The following IL20RB variants were observed in gnomAD, a reference collection of about 807,000 sequenced individuals.
IL20RB encodes the protein interleukin-20 receptor subunit beta.
A neutral mutation model predicts 33.3 loss-of-function variants in IL20RB; 21 were observed. The ratio of observed to expected loss-of-function variants is 0.63; its 90% CI spans 0.45 to 0.91. The LOEUF (loss-of-function observed/expected upper bound fraction) is 0.91. IL20RB is among the 40% of genes least tolerant of loss of function. IL20RB has a pLI of 0.00. For synonymous variants in IL20RB, 147 were observed against 146.8 expected, an observed-to-expected ratio of 1.00 and a Z score of -0.01; for missense variants, 345 against 384.8, an observed-to-expected ratio of 0.90 and a Z score of 0.86.
intron 4 of IL20RB, 62 bp downstream of exon 4, chr3:136,989,627 G>C: frequency 6.3e-7 from 1 of 1,596,014 alleles, no homozygotes; most frequent in East Asian, 2.3e-5. Flanking sequence ...ATTTCTGAGG[G>C]TGAGCAAGGG....
chr3:136,982,192 G>C lies in IL20RB; in HGVS notation c.248G>C (p.Trp83Ser), dbSNP rs1451585241. ...GAGAGCCTGTACACGAGCCACATCT[G>C]GATCCCCAGCAGCTGGTGCTCACTC... ...EYESLYTSHIWIPSSWCSLTE... is the reference protein window; with the variant it reads ...EYESLYTSHISIPSSWCSLTE... The change falls in exon 3 of 7, where the codon TGG becomes TCG. Residue 83 changes from tryptophan (W) to serine (S), a missense_variant. Trp to Ser is a radical substitution (Grantham distance 177). Transcript: ENST00000329582. 4 of 1,598,210 alleles carry C rather than the reference G, an allele frequency of 2.5e-6. No homozygotes were observed. The highest frequency in any genetic ancestry group is 2.6e-6 in the Non-Finnish European group (3 of 1,167,478).
At chr3:136,991,672 G>A (rs1213995447) in intron 4 of IL20RB, among the ~76,000 whole-genome samples, 1 of 152,136 alleles carries the variant, frequency 6.6e-6, no homozygotes, top group South Asian at 2.1e-4. Flanking sequence ...GCAGTGGCAC[G>A]ATCTCGGATC....
intron 3 of IL20RB, among the ~76,000 whole-genome samples, chr3:136,988,242 G>T (rs1484523238): frequency 3.9e-5 from 6 of 152,212 alleles, no homozygotes; most frequent in Admixed American, 3.9e-4. Context: ...TTCTGGTCCT[G>T]CAGTATCTGG....
chr3:136,991,859 C>G (rs1321834949), intron 4 of IL20RB, 79 bp from the exon 5 acceptor site: 29 of 1,506,958 alleles, frequency 1.9e-5, no homozygotes, highest in Non-Finnish European at 2.6e-5. Flanking sequence ...ATCCGCCCGC[C>G]TCAGGCTCCC....
At chr3:137,007,529 G>A (rs964093467) in intron 6 of IL20RB, among the ~76,000 whole-genome samples, 10 of 152,310 alleles carry the variant, frequency 6.6e-5, no homozygotes, top group Middle Eastern at 3.4e-3. Flanking sequence ...CTGCCACCTC[G>A]CAGATTGATC....
chr3:136,983,398 A>T (rs548778184), intron 3 of IL20RB, among the ~76,000 whole-genome samples: 2 of 152,184 alleles, frequency 1.3e-5, no homozygotes, highest in African/African-American at 4.8e-5. Context: ...GACCAGGTCT[A>T]TCTTACAAAG....
chr3:136,995,750 C>T (rs1013619720), intron 6 of IL20RB, among the ~76,000 whole-genome samples, 194 bp downstream of exon 6: 14 of 152,256 alleles, frequency 9.2e-5, no homozygotes, highest in African/African-American at 3.4e-4. Flanking sequence ...TTCTCCAGGG[C>T]GTGGTGACCT....
At chr3:137,007,361 T>A (rs541064611) in intron 6 of IL20RB, among the ~76,000 whole-genome samples, 3,201 of 152,312 alleles carry the variant, frequency 0.021, 123 homozygotes, top group African/African-American at 0.072. Flanking sequence ...AGAAGTTGTC[T>A]GCTGCCTTTT....
intron 1 of IL20RB, among the ~76,000 whole-genome samples, chr3:136,962,763 A>AC (rs1210083996): frequency 1.3e-5 from 2 of 151,526 alleles, no homozygotes; most frequent in African/African-American, 4.8e-5. Flanking sequence ...AAAAAAAACA[A>AC]AAAACTCAAG....
intron 1 of IL20RB, among the ~76,000 whole-genome samples, chr3:136,973,188 T>A (rs1173855991): frequency 1.3e-5 from 2 of 152,086 alleles, no homozygotes; most frequent in Non-Finnish European, 2.9e-5. Flanking sequence ...TTTTGATTTT[T>A]AAAAATTTGT....
intron 4 of IL20RB, among the ~76,000 whole-genome samples, chr3:136,991,247 C>T (rs893031509): frequency 6.6e-6 from 1 of 152,228 alleles, no homozygotes; most frequent in Non-Finnish European, 1.5e-5. Flanking sequence ...TCAGAGAAGC[C>T]TTCTCTAACC....
chr3:137,006,921 G>A (rs180907542), intron 6 of IL20RB, among the ~76,000 whole-genome samples: 3 of 152,136 alleles, frequency 2.0e-5, no homozygotes, highest in African/African-American at 4.8e-5. Context: ...TGTACCTTTC[G>A]TCTTGATGTT....
intron 1 of IL20RB, 49 bp downstream of exon 1, chr3:136,958,250 T>A (rs1447175828): frequency 1.8e-6 from 2 of 1,136,168 alleles, no homozygotes; most frequent in African/African-American, 1.5e-5. Flanking sequence ...TGAATATAGG[T>A]TAAGAAGGCA....
chr3:137,002,136 G>A (rs1196319222), intron 6 of IL20RB, among the ~76,000 whole-genome samples: 1 of 152,118 alleles, frequency 6.6e-6, no homozygotes, highest in Non-Finnish European at 1.5e-5. Context: ...AGTATTCCAT[G>A]GTATATATGT....
intron 6 of IL20RB, among the ~76,000 whole-genome samples, chr3:137,005,735 C>T (rs540905166): frequency 2.1e-4 from 32 of 152,280 alleles, no homozygotes; most frequent in African/African-American, 6.0e-4. Flanking sequence ...CAGTCTGTGT[C>T]TTTTAATTGG....
chr3:136,969,663 C>T (rs185277610), intron 1 of IL20RB, among the ~76,000 whole-genome samples: 19 of 151,976 alleles, frequency 1.3e-4, no homozygotes, highest in Admixed American at 2.6e-4. Flanking sequence ...TCTTCTGCGT[C>T]GCTCACGCTG....
At chr3:136,997,040 T>C (rs754548680) in intron 6 of IL20RB, among the ~76,000 whole-genome samples, 18 of 152,158 alleles carry the variant, frequency 1.2e-4, no homozygotes, top group Non-Finnish European at 1.9e-4. Flanking sequence ...GTTGTTTTAA[T>C]ATTGAGAGTA....
At chr3:136,997,590 GCTCA>G (rs148923279) in intron 6 of IL20RB, among the ~76,000 whole-genome samples, 3,117 of 103,472 alleles carry the variant, frequency 0.03, 101 homozygotes, top group African/African-American at 0.1. Context: ...TTTTTTTTTT[GCTCA>G]CTGTTTGTAT....
chr3:136,999,177 G>A (rs1942192692), intron 6 of IL20RB, among the ~76,000 whole-genome samples: 2 of 151,960 alleles, frequency 1.3e-5, no homozygotes, highest in African/African-American at 2.4e-5. Context: ...GCTCACTGCA[G>A]CCTCGACCTT....
Sources: allele counts gnomAD v4.1 joint callset (sites outside exome capture counted in the v4.1 genomes callset), GRCh38; gene constraint gnomAD v4.1.1; transcripts MANE v1.5; gene names NCBI Gene and HGNC (gene_info 2026-07-23, HGNC 2026-07-21).